Variants in BCKDHB observed in about 807,000 individuals in gnomAD.
BCKDHB encodes the protein branched chain keto acid dehydrogenase E1 subunit beta, also known as 2-oxoisovalerate dehydrogenase subunit beta, mitochondrial.
Under a neutral mutation model 48.5 loss-of-function variants are expected in BCKDHB, and 41 were observed. The observed-to-expected ratio is 0.85, with a 90% CI of 0.66 to 1.10. The LOEUF (loss-of-function observed/expected upper bound fraction) is 1.10, where lower values mean the gene tolerates loss of function less well. Ranked by LOEUF, BCKDHB falls within the 50% of genes least tolerant of loss-of-function variation. The pLI is 0.00. For missense variants in BCKDHB, 496 were observed against 494.2 expected, an observed-to-expected ratio of 1.00 and a Z score of -0.03; for synonymous variants, 201 against 174.8, an observed-to-expected ratio of 1.15 and a Z score of -1.18.
At chr6:80,362,942 G>C in the BCKDHB span, among the ~76,000 whole-genome samples, 1 of 152,050 alleles carries the variant, frequency 6.6e-6, no homozygotes, top group Non-Finnish European at 1.5e-5. Context: ...CACCTCTAAA[G>C]AAGACTAAAA....
At chr6:80,273,337 G>A in intron 9 of BCKDHB, 116 bp downstream of exon 9, 1 of 893,448 alleles carries the variant, frequency 1.1e-6, no homozygotes, top group Non-Finnish European at 1.8e-6. Flanking sequence ...GAAATGTAGT[G>A]CATGCTTTCA....
intron 9 of BCKDHB, among the ~76,000 whole-genome samples, chr6:80,308,420 A>T (rs1297662795): frequency 6.6e-6 from 1 of 152,164 alleles, no homozygotes; most frequent in African/African-American, 2.4e-5. Context: ...ATACCCCTAA[A>T]CATTTATTAT....
chr6:80,118,686 C>G (rs537403295), intron 1 of BCKDHB, among the ~76,000 whole-genome samples: 1 of 152,236 alleles, frequency 6.6e-6, no homozygotes, highest in South Asian at 2.1e-4. Context: ...TCTTTATCAG[C>G]TAAGTTTGTG....
At chr6:80,239,531 T>A (rs1379042933) in intron 8 of BCKDHB, among the ~76,000 whole-genome samples, 2 of 152,098 alleles carry the variant, frequency 1.3e-5, no homozygotes, top group Non-Finnish European at 2.9e-5. Context: ...GATTGCAAAA[T>A]TTTTCTCCCA....
intron 8 of BCKDHB, among the ~76,000 whole-genome samples, chr6:80,238,450 ATTAAG>A (rs1293510514): frequency 6.6e-6 from 1 of 152,184 alleles, no homozygotes; most frequent in Non-Finnish European, 1.5e-5. Flanking sequence ...TCTTAGCCAC[ATTAAG>A]TTAATAGAGT....
At chr6:80,231,781 A>G (rs1440988456) in intron 8 of BCKDHB, among the ~76,000 whole-genome samples, 1 of 152,216 alleles carries the variant, frequency 6.6e-6, no homozygotes, top group South Asian at 2.1e-4. Flanking sequence ...CCTGACCAAC[A>G]TGGTGAAACC....
chr6:80,202,946 G>C (rs561449625), intron 7 of BCKDHB, among the ~76,000 whole-genome samples, 156 bp from the exon 8 acceptor site: 5 of 152,024 alleles, frequency 3.3e-5, no homozygotes, highest in African/African-American at 1.2e-4. Context: ...CGCAGAATAT[G>C]GGCTTCAACA....
rs560119168 is a variant in BCKDHB at position 80,209,660 on chromosome 6, G to A, written c.951+6448G>A. 3.1e-3 allele frequency among the ~76,000 whole-genome samples: 471 copies of A among 151,996 alleles called. 1 individual carries two copies. Among genetic ancestry groups the A allele is most frequent in the African/African-American group, 0.011 (455 of 41,506 alleles). ...AATTATATTAACTCTTACCACACAA[G>A]CATCAGTTACAGCTGAGTTGCAGAT... is the stretch of plus-strand genomic sequence containing the variant. On this transcript the variant is annotated intron_variant, in intron 8 of 9. Coordinates refer to ENST00000320393, the MANE Select transcript of BCKDHB (RefSeq NM_183050.4).
intron 9 of BCKDHB, among the ~76,000 whole-genome samples, chr6:80,339,569 T>A (rs1352746468): frequency 6.6e-6 from 1 of 152,220 alleles, no homozygotes; most frequent in Non-Finnish European, 1.5e-5. Context: ...AGATGGCTAA[T>A]ATATAAACAA....
the BCKDHB span, among the ~76,000 whole-genome samples, chr6:80,382,687 G>GATATAT: frequency 4.7e-5 from 7 of 149,406 alleles, no homozygotes; most frequent in Non-Finnish European, 1.0e-4. Flanking sequence ...TCCCTGTCTT[G>GATATAT]ATATATATAT....
At chr6:80,377,573 G>T in the BCKDHB span, among the ~76,000 whole-genome samples, 1 of 152,112 alleles carries the variant, frequency 6.6e-6, no homozygotes, top group Non-Finnish European at 1.5e-5. Context: ...CAAATATCCA[G>T]TTATTTCACC....
chr6:80,407,479 C>T, the BCKDHB span, among the ~76,000 whole-genome samples: 1 of 152,114 alleles, frequency 6.6e-6, no homozygotes, highest in Non-Finnish European at 1.5e-5. Context: ...TTGATTCTTC[C>T]TATCCATGAG....
intron 3 of BCKDHB, among the ~76,000 whole-genome samples, chr6:80,140,938 CT>C (rs1771172481): frequency 6.6e-6 from 1 of 152,074 alleles, no homozygotes; most frequent in African/African-American, 2.4e-5. Flanking sequence ...TGGTCCTGGA[CT>C]CTTTTTGGTT....
chr6:80,358,128 T>C, the BCKDHB span, among the ~76,000 whole-genome samples: 4 of 152,182 alleles, frequency 2.6e-5, no homozygotes, highest in African/African-American at 9.6e-5. Flanking sequence ...TCAAAATTTC[T>C]CTTGATCAGA....
At chr6:80,316,911 A>G (rs891668875) in intron 9 of BCKDHB, among the ~76,000 whole-genome samples, 1 of 150,420 alleles carries the variant, frequency 6.6e-6, no homozygotes, top group African/African-American at 2.5e-5. Flanking sequence ...GTTGGCTCAA[A>G]TCAGGCTTCC....
chr6:80,392,191 A>G, the BCKDHB span, among the ~76,000 whole-genome samples: 5 of 152,018 alleles, frequency 3.3e-5, no homozygotes, highest in African/African-American at 1.2e-4. Context: ...GCAGGGCTCC[A>G]CTATGTTGTC....
At chr6:80,392,054 A>G in the BCKDHB span, among the ~76,000 whole-genome samples, 1 of 152,052 alleles carries the variant, frequency 6.6e-6, no homozygotes, top group Non-Finnish European at 1.5e-5. Flanking sequence ...GTGCAGTGGC[A>G]TGATCTCAGC....
rs530956194 is a variant in BCKDHB, at chr6:80,168,967, T to A, written c.570T>A (p.Gly190=). The change falls in exon 5 of 10, where the codon GGT becomes GGA. Residue 190 remains glycine (G), a synonymous_variant. Coordinates refer to ENST00000320393, the MANE Select transcript of BCKDHB (RefSeq NM_183050.4). The stretch of plus-strand genomic sequence containing the variant: ...TCCGGTCCCCTTGGGGCTGTGTTGG[T>A]CATGGGGCTCTCTATCATTCTCAGA... ...LTIRSPWGCV[G]HGALYHSQSP... The A allele has an allele frequency of 6.2e-7, 1 of 1,614,222 alleles. No homozygotes were observed. Among genetic ancestry groups the A allele is most frequent in the South Asian group, 1.1e-5 (1 of 91,088 alleles).
chr6:80,292,711 C>T (rs1178748906), intron 9 of BCKDHB, among the ~76,000 whole-genome samples: 2 of 152,068 alleles, frequency 1.3e-5, no homozygotes, highest in Non-Finnish European at 2.9e-5. Context: ...GTCCACAGTC[C>T]AAAGTCTCAT....
Sources: allele counts gnomAD v4.1 joint callset (sites outside exome capture counted in the v4.1 genomes callset), GRCh38; gene constraint gnomAD v4.1.1; transcripts MANE v1.5; gene names NCBI Gene and HGNC (gene_info 2026-07-23, HGNC 2026-07-21).